Variants in SEPTIN7 observed in about 807,000 individuals in gnomAD.
The protein encoded by SEPTIN7 is septin 7.
A neutral mutation model predicts 63.3 loss-of-function variants in SEPTIN7; 10 were observed. The observed-to-expected ratio is 0.16, with a 90% CI of 0.10 to 0.27. The LOEUF (loss-of-function observed/expected upper bound fraction) is 0.27. Among genes scored for constraint, SEPTIN7 ranks in the 10% least tolerant of loss-of-function variants. The probability of loss-of-function intolerance (pLI) is 1.00; values close to 1 mark genes in which losing one functional copy is unlikely to be tolerated. For synonymous variants in SEPTIN7, 131 were observed against 165.3 expected (o/e 0.79, Z 1.59); for missense variants, 310 against 521.0 (o/e 0.59, Z 3.94).
downstream of SEPTIN7, among the ~76,000 whole-genome samples, chr7:35,910,229 T>G (rs1419903209): frequency 1.3e-5 from 2 of 152,206 alleles, no homozygotes; most frequent in African/African-American, 4.8e-5. Flanking sequence ...AGCTTAGTCC[T>G]GTTCAATGCA....
At chr7:35,893,049 T>C (rs1787746055) in intron 11 of SEPTIN7, among the ~76,000 whole-genome samples, 1 of 152,196 alleles carries the variant, frequency 6.6e-6, no homozygotes, top group Non-Finnish European at 1.5e-5. Context: ...AAAAATATTT[T>C]TGTTAAATTT....
chr7:35,857,404 C>T (rs1335902347), intron 3 of SEPTIN7, among the ~76,000 whole-genome samples: 1 of 151,962 alleles, frequency 6.6e-6, no homozygotes, highest in Admixed American at 6.6e-5. Flanking sequence ...AAAAAGGAAA[C>T]CTAATCATTT....
chr7:35,849,016 G>C (rs1784827584), intron 3 of SEPTIN7, among the ~76,000 whole-genome samples: 1 of 152,170 alleles, frequency 6.6e-6, no homozygotes, highest in Non-Finnish European at 1.5e-5. Flanking sequence ...AGAATTGTTA[G>C]TTCTTAGTAC....
At chr7:35,866,075 C>T (rs560539901) in intron 4 of SEPTIN7, among the ~76,000 whole-genome samples, 1 of 152,230 alleles carries the variant, frequency 6.6e-6, no homozygotes, top group Non-Finnish European at 1.5e-5. Flanking sequence ...CTTTTCTTTA[C>T]CAAAAGGAAG....
chr7:35,899,725 A>T (rs1788194242), intron 12 of SEPTIN7: 1 of 152,254 alleles, frequency 6.6e-6, no homozygotes, highest in African/African-American at 2.4e-5. Context: ...CCTATAAAAA[A>T]TTTTTAAAAA....
At chr7:35,842,619 T>C (rs1784463226) in intron 3 of SEPTIN7, among the ~76,000 whole-genome samples, 2 of 152,212 alleles carry the variant, frequency 1.3e-5, no homozygotes, top group South Asian at 2.1e-4. Flanking sequence ...AAAGGTCATC[T>C]ACCTAAAATA....
In SEPTIN7 at chr7:35,863,573, C is replaced by T. The variant is rs1463663878; in HGVS notation, c.191C>T (p.Ser64Leu). Residue 64 changes from serine to leucine, a missense_variant, in exon 4 of 14, where the codon TCG becomes TTG. Ser to Leu is a moderately radical substitution (Grantham distance 145). This residue lies in a region of SEPTIN7 where 255 missense variants were observed against 490.5 expected (regional missense o/e 0.52). Coordinates refer to ENST00000350320, the MANE Select transcript of SEPTIN7 (RefSeq NM_001788.6). Reference sequence around the variant, plus strand: ...TTAGGTGAATCTGGATTGGGAAAGTCGACATTAATCAACTCATTATTCCTC... The same window carrying T: ...TTAGGTGAATCTGGATTGGGAAAGTTGACATTAATCAACTCATTATTCCTC... ...MVVGESGLGK[S>L]TLINSLFLTD... 1.3e-6 allele frequency: 2 copies of T among 1,586,408 alleles called. No homozygotes were observed. Among genetic ancestry groups the T allele is most frequent in the African/African-American group, 2.7e-5 (2 of 74,486 alleles).
intron 9 of SEPTIN7, among the ~76,000 whole-genome samples, chr7:35,885,471 A>C (rs570685786): frequency 6.6e-6 from 1 of 152,172 alleles, no homozygotes; most frequent in Non-Finnish European, 1.5e-5. Flanking sequence ...GATTTTTTCT[A>C]AAGTGATTCT....
At chr7:35,892,014 G>A (rs1264737824) in intron 11 of SEPTIN7, among the ~76,000 whole-genome samples, 1 of 152,108 alleles carries the variant, frequency 6.6e-6, no homozygotes, top group Non-Finnish European at 1.5e-5. Context: ...TCATCAAGAT[G>A]CCACTGGGCA....
At chr7:35,894,610 C>T (rs1484219404) in intron 11 of SEPTIN7, among the ~76,000 whole-genome samples, 4 of 152,128 alleles carry the variant, frequency 2.6e-5, no homozygotes, top group African/African-American at 9.7e-5. Context: ...TTAATACTCT[C>T]ACATGGCAAA....
At chr7:35,879,964 G>A (rs774110842) in intron 7 of SEPTIN7, 24 bp downstream of exon 7, 1 of 1,334,312 alleles carries the variant, frequency 7.5e-7, no homozygotes, top group Non-Finnish European at 1.1e-6. Context: ...GTTAACCCAG[G>A]TTTCTTATAC....
At chr7:35,883,146 T>G (rs1390782984) in intron 8 of SEPTIN7, among the ~76,000 whole-genome samples, 2 of 152,140 alleles carry the variant, frequency 1.3e-5, no homozygotes, top group African/African-American at 4.8e-5. Context: ...GTTATCAGAA[T>G]ACCATACTGT....
chr7:35,836,718 G>A (rs1482721450), intron 3 of SEPTIN7, among the ~76,000 whole-genome samples: 1 of 152,056 alleles, frequency 6.6e-6, no homozygotes, highest in Non-Finnish European at 1.5e-5. Context: ...TTCCTCCACT[G>A]CCTGTTGATG....
chr7:35,907,559 T>C (rs1263172088), downstream of SEPTIN7, among the ~76,000 whole-genome samples: 1 of 152,138 alleles, frequency 6.6e-6, no homozygotes, highest in Non-Finnish European at 1.5e-5. Flanking sequence ...GCTTATTCAA[T>C]AGGTGGTAAC....
intron 1 of SEPTIN7, among the ~76,000 whole-genome samples, chr7:35,810,201 TG>T (rs1788601716): frequency 6.6e-6 from 1 of 152,192 alleles, no homozygotes; most frequent in Non-Finnish European, 1.5e-5. Context: ...TGAATTTTTA[TG>T]TTTAGTAAGT....
intron 3 of SEPTIN7, among the ~76,000 whole-genome samples, chr7:35,856,363 A>G (rs909362239): frequency 2.0e-5 from 3 of 152,154 alleles, no homozygotes; most frequent in African/African-American, 7.2e-5. Context: ...ACCACAGTGT[A>G]TTTATCCATT....
intron 3 of SEPTIN7, among the ~76,000 whole-genome samples, chr7:35,845,026 C>A (rs548093961): frequency 2.6e-5 from 4 of 151,874 alleles, no homozygotes; most frequent in African/African-American, 9.7e-5. Flanking sequence ...GGGTTCGAGA[C>A]GACCCTGGGC....
intron 3 of SEPTIN7, among the ~76,000 whole-genome samples, chr7:35,837,263 A>G (rs1214577511): frequency 6.6e-6 from 1 of 152,158 alleles, no homozygotes; most frequent in African/African-American, 2.4e-5. Flanking sequence ...TAGTATTCTT[A>G]TGTGTATCTG....
intron 7 of SEPTIN7, 115 bp from the exon 8 acceptor site, chr7:35,882,369 G>T (rs1786937681): frequency 1.4e-6 from 1 of 690,198 alleles, no homozygotes; most frequent in East Asian, 4.4e-5. Flanking sequence ...TTAAAAAACA[G>T]TAAAGGATCT....
Sources: gnomAD v4.1 joint callset for allele counts (sites outside exome capture counted in the v4.1 genomes callset) on GRCh38, gnomAD v4.1.1 for gene constraint, gnomAD v4.1.1 regional missense constraint, MANE v1.5 for transcripts, NCBI Gene and HGNC (gene_info 2026-07-23, HGNC 2026-07-21) for gene names.